The following TMEM74 variants were observed in gnomAD, a reference collection of about 807,000 sequenced individuals.
TMEM74 encodes transmembrane protein 74.
In TMEM74, 13 loss-of-function variants were observed where a neutral mutation model predicts 18.1. That is an observed-to-expected ratio of 0.72 (90% CI 0.47 to 1.14). The LOEUF (loss-of-function observed/expected upper bound fraction) is 1.14, where lower values mean the gene tolerates loss of function less well. Ranked by LOEUF, TMEM74 falls within the 50% of genes most tolerant of loss-of-function variation. TMEM74 has a pLI of 0.00. For missense variants in TMEM74, 372 were observed against 375.9 expected (o/e 0.99, Z 0.09); for synonymous variants, 159 against 146.6 (o/e 1.08, Z -0.61).
intron 2 of TMEM74, among the ~76,000 whole-genome samples, chr8:108,616,929 A>G (rs1333055972): frequency 6.6e-6 from 1 of 151,728 alleles, no homozygotes; most frequent in Non-Finnish European, 1.5e-5. Context: ...ATATATTTAT[A>G]TATAGTGACT....
At position 108,781,764 on chromosome 8, in the gene TMEM74, CT is replaced by C. The variant is rs1333781323; in HGVS notation, c.*2416del. 6.6e-6 allele frequency among the ~76,000 whole-genome samples: 1 copy of C among 152,136 alleles called. No homozygotes were observed. Among genetic ancestry groups the C allele is most frequent in the East Asian group, 1.9e-4 (1 of 5,188 alleles). ...GGAAATGTATTTTGATGTGTTAGGT[CT>C]TTTTCTCCCCCGTTGAATATTTTTT... On this transcript the variant is annotated 3_prime_UTR_variant, in exon 2 of 2. Transcript: ENST00000297459.
At chr8:108,671,077 G>A (rs991778394) in intron 1 of TMEM74, among the ~76,000 whole-genome samples, 4 of 152,130 alleles carry the variant, frequency 2.6e-5, no homozygotes, top group Non-Finnish European at 5.9e-5. Flanking sequence ...AGGGAAGAAC[G>A]CTGAGACCTG....
intron 2 of TMEM74, among the ~76,000 whole-genome samples, chr8:108,612,811 A>G (rs533877816): frequency 1.3e-5 from 2 of 152,290 alleles, no homozygotes; most frequent in African/African-American, 4.8e-5. Flanking sequence ...CAAGTTGAAG[A>G]AGAACTATTC....
chr8:108,728,255 T>C (rs1813660892), intron 1 of TMEM74, among the ~76,000 whole-genome samples: 1 of 152,106 alleles, frequency 6.6e-6, no homozygotes. Flanking sequence ...ACAAGAATGA[T>C]CCGGAAGAGT....
At chr8:108,787,007 A>C (rs1586299174) in intron 1 of TMEM74, among the ~76,000 whole-genome samples, 2 of 152,208 alleles carry the variant, frequency 1.3e-5, no homozygotes, top group Admixed American at 6.5e-5. Flanking sequence ...TTCTCAGTGG[A>C]GAATGGATAA....
chr8:108,645,178 T>C (rs1255448135), intron 2 of TMEM74, among the ~76,000 whole-genome samples: 1 of 152,052 alleles, frequency 6.6e-6, no homozygotes, highest in Non-Finnish European at 1.5e-5. Context: ...GCCACAAAAA[T>C]GAATGAAATC....
chr8:108,651,649 G>A (rs1207377474), intron 2 of TMEM74, among the ~76,000 whole-genome samples: 2 of 151,990 alleles, frequency 1.3e-5, no homozygotes, highest in East Asian at 3.9e-4. Flanking sequence ...ATGGAAGGGA[G>A]CTTTGAGGTG....
At chr8:108,610,940 G>A (rs1812328139) in intron 2 of TMEM74, among the ~76,000 whole-genome samples, 1 of 152,196 alleles carries the variant, frequency 6.6e-6, no homozygotes. Context: ...AGAGCTCAAG[G>A]TATGATACAT....
intron 1 of TMEM74, among the ~76,000 whole-genome samples, chr8:108,690,262 A>G (rs760527549): frequency 9.2e-5 from 14 of 152,140 alleles, no homozygotes; most frequent in Admixed American, 2.0e-4. Context: ...TCATCCATAC[A>G]TTTCTATAAA....
chr8:108,613,722 T>C (rs992321371), intron 2 of TMEM74, among the ~76,000 whole-genome samples: 7 of 152,186 alleles, frequency 4.6e-5, no homozygotes, highest in Admixed American at 4.6e-4. Flanking sequence ...ACTTTCAAAG[T>C]CCAAACCCAC....
At chr8:108,678,541 T>TC in intron 1 of TMEM74, among the ~76,000 whole-genome samples, 1 of 150,902 alleles carries the variant, frequency 6.6e-6, no homozygotes, top group East Asian at 1.9e-4. Context: ...TTTTTTTTTT[T>TC]TTTGTATTTT....
intron 1 of TMEM74, among the ~76,000 whole-genome samples, chr8:108,760,066 AGG>A (rs1489364057): frequency 2.6e-5 from 4 of 151,558 alleles, no homozygotes; most frequent in Admixed American, 2.0e-4. Flanking sequence ...GTAGCTACTC[AGG>A]AGGCTTAGGT....
chr8:108,767,461 G>T (rs1814121890), intron 1 of TMEM74, among the ~76,000 whole-genome samples: 1 of 151,992 alleles, frequency 6.6e-6, no homozygotes, highest in African/African-American at 2.4e-5. Flanking sequence ...TTTTAAATAG[G>T]GTCAATATAG....
intron 2 of TMEM74, among the ~76,000 whole-genome samples, chr8:108,636,822 G>T (rs1032017542): frequency 2.1e-5 from 3 of 145,850 alleles, no homozygotes; most frequent in Non-Finnish European, 4.4e-5. Flanking sequence ...CTTTGATTCT[G>T]GGCATCCAGA....
At chr8:108,728,221 T>C (rs1813660513) in intron 1 of TMEM74, among the ~76,000 whole-genome samples, 1 of 152,074 alleles carries the variant, frequency 6.6e-6, no homozygotes, top group African/African-American at 2.4e-5. Flanking sequence ...TAAAGTGGAA[T>C]AAATAGCATA....
At chr8:108,735,120 T>C (rs1586277981) in intron 1 of TMEM74, among the ~76,000 whole-genome samples, 1 of 152,218 alleles carries the variant, frequency 6.6e-6, no homozygotes, top group Non-Finnish European at 1.5e-5. Flanking sequence ...GTTCTGACTT[T>C]CGTTTCCATT....
intron 1 of TMEM74, among the ~76,000 whole-genome samples, chr8:108,683,609 A>G (rs149973451): frequency 1.3e-5 from 2 of 152,126 alleles, no homozygotes; most frequent in Admixed American, 1.3e-4. Flanking sequence ...CCAAATAAAC[A>G]TTGTACATAT....
At chr8:108,687,420 C>A (rs780890256) in intron 1 of TMEM74, among the ~76,000 whole-genome samples, 2 of 152,108 alleles carry the variant, frequency 1.3e-5, no homozygotes, top group Non-Finnish European at 2.9e-5. Flanking sequence ...CAGTCCCCAA[C>A]CTTTTTGACA....
intron 2 of TMEM74, among the ~76,000 whole-genome samples, chr8:108,630,299 C>T (rs1438776552): frequency 6.7e-6 from 1 of 150,010 alleles, no homozygotes; most frequent in Non-Finnish European, 1.5e-5. Context: ...TATATAGGCA[C>T]CCAATACAAG....
Sources: gnomAD v4.1 joint callset for allele counts (sites outside exome capture counted in the v4.1 genomes callset) on GRCh38, gnomAD v4.1.1 for gene constraint, MANE v1.5 for transcripts, NCBI Gene and HGNC (gene_info 2026-07-23, HGNC 2026-07-21) for gene names.